Variants in CERKL observed in about 807,000 individuals in gnomAD.
The protein encoded by CERKL is ceramide kinase-like protein.
CERKL carries 61 observed loss-of-function variants against 63.4 expected under a neutral mutation model. The observed-to-expected ratio is 0.96, with a 90% CI of 0.78 to 1.19. The LOEUF (loss-of-function observed/expected upper bound fraction) is 1.19, where lower values mean the gene tolerates loss of function less well. Among genes scored for constraint, CERKL ranks in the 50% most tolerant of loss-of-function variants. The pLI is 0.00. For missense variants in CERKL, 675 were observed against 655.5 expected, an observed-to-expected ratio of 1.03 and a Z score of -0.33; for synonymous variants, 250 against 230.5, an observed-to-expected ratio of 1.08 and a Z score of -0.77.
At chr2:181,618,490 C>G (rs1341547602) in intron 1 of CERKL, among the ~76,000 whole-genome samples, 1 of 151,884 alleles carries the variant, frequency 6.6e-6, no homozygotes, top group Non-Finnish European at 1.5e-5. Flanking sequence ...AATCTCGGCT[C>G]ACGGCAACCT....
chr2:181,586,946 C>T (rs954919316), intron 2 of CERKL, among the ~76,000 whole-genome samples: 28 of 152,112 alleles, frequency 1.8e-4, no homozygotes, highest in Admixed American at 2.6e-4. Context: ...GAAAAGCAAC[C>T]AAGTTGTTGC....
intron 5 of CERKL, among the ~76,000 whole-genome samples, chr2:181,557,499 G>A (rs1559076390): frequency 6.6e-6 from 1 of 152,024 alleles, no homozygotes; most frequent in Non-Finnish European, 1.5e-5. Flanking sequence ...AAATAGGGAT[G>A]AGTGATTGTG....
chr2:181,572,566 A>C (rs1368496007), intron 3 of CERKL, among the ~76,000 whole-genome samples: 1 of 152,186 alleles, frequency 6.6e-6, no homozygotes, highest in Non-Finnish European at 1.5e-5. Flanking sequence ...CAATCTTTGG[A>C]AATCTTCAGT....
Position 181,547,711 on chromosome 2 carries a change from C to T in CERKL, c.1175G>A (p.Trp392Ter), listed in dbSNP as rs770381086. 6.2e-7 allele frequency: 1 copy of T among 1,613,968 alleles called. No homozygotes were observed. The highest frequency in any genetic ancestry group is 8.5e-7 in the Non-Finnish European group (1 of 1,179,884). The change falls in exon 10 of 13, where the codon TGG (tryptophan) becomes TAG (stop). Residue 392 changes from tryptophan (W) to a stop codon, truncating the protein, a stop_gained. Transcript: ENST00000410087. LOFTEE classifies it high-confidence loss of function. ...CAAGAACTGACCCTGGATCATTTGC[C>T]ATTGATCATTACAGTCTAAAGGTAA... ...GSPKSDCNDQ[W>*]QMIQGQFLNV...
chr2:181,550,324 A>T lies in CERKL; in HGVS notation c.821-616T>A, dbSNP rs1687930490. On this transcript the variant is annotated intron_variant, in intron 5 of 12. Coordinates refer to ENST00000410087, the MANE Select transcript of CERKL (RefSeq NM_201548.5). The surrounding 1 kb of genome is among the most constrained non-coding windows in gnomAD (Gnocchi z 4.5). ...GAAGATTTGTATTTGAAACATTATGATTTCTGATTTTCATGATTATTAGAA... is the reference window on the plus strand; with the variant it reads ...GAAGATTTGTATTTGAAACATTATGTTTTCTGATTTTCATGATTATTAGAA... Among the ~76,000 whole-genome samples, 1 of 152,106 alleles carries T rather than the reference A, an allele frequency of 6.6e-6. No individual in the cohort carries two copies. The highest frequency in any genetic ancestry group is 2.4e-5 in the African/African-American group (1 of 41,428).
rs142089023 is a variant in CERKL, at chr2:181,613,899, T to C, written c.239-9820A>G. 1.1e-3 allele frequency among the ~76,000 whole-genome samples: 168 copies of C among 152,344 alleles called. 1 individual carries two copies. Among genetic ancestry groups the C allele is most frequent in the Non-Finnish European group, 1.9e-3 (130 of 68,038 alleles). ...AACTAGTTCCTAACATATATGAACA[T>C]GTATATAATATTAGTTTTAAGGAAA... is the stretch of plus-strand genomic sequence containing the variant. On this transcript the variant is annotated intron_variant, in intron 1 of 12. Coordinates refer to ENST00000410087, the MANE Select transcript of CERKL (RefSeq NM_201548.5).
At chr2:181,609,504 T>C (rs1159698824) in intron 1 of CERKL, among the ~76,000 whole-genome samples, 1 of 122,080 alleles carries the variant, frequency 8.2e-6, no homozygotes. Flanking sequence ...GAGACCAGCC[T>C]GGCCACCATG....
At chr2:181,595,117 T>C (rs1685144927) in intron 2 of CERKL, among the ~76,000 whole-genome samples, 3 of 152,178 alleles carry the variant, frequency 2.0e-5, no homozygotes, top group African/African-American at 4.8e-5. Context: ...TTTTATCTAA[T>C]TCTGTAGATT....
intron 1 of CERKL, among the ~76,000 whole-genome samples, chr2:181,641,037 G>A (rs569405271): frequency 6.6e-6 from 1 of 152,170 alleles, no homozygotes; most frequent in Non-Finnish European, 1.5e-5. Flanking sequence ...AATAACATTA[G>A]TCTCCAGACG....
At chr2:181,568,937 A>G (rs894778853) in intron 3 of CERKL, among the ~76,000 whole-genome samples, 1 of 151,550 alleles carries the variant, frequency 6.6e-6, no homozygotes, top group Non-Finnish European at 1.5e-5. Context: ...TAATGCAAAT[A>G]TTCCAAAAGC....
intron 2 of CERKL, among the ~76,000 whole-genome samples, chr2:181,581,139 A>AT (rs1273014087): frequency 1.3e-5 from 2 of 151,964 alleles, no homozygotes; most frequent in Non-Finnish European, 2.9e-5. Flanking sequence ...TAGCATCTTC[A>AT]TTTTTTTCAT....
chr2:181,590,778 A>G (rs1050359424), intron 2 of CERKL, among the ~76,000 whole-genome samples: 1 of 152,174 alleles, frequency 6.6e-6, no homozygotes, highest in Non-Finnish European at 1.5e-5. Flanking sequence ...AAAACATACA[A>G]TCTGTTGGTG....
chr2:181,575,238 C>T (rs1313557500), intron 2 of CERKL, among the ~76,000 whole-genome samples: 3 of 152,192 alleles, frequency 2.0e-5, no homozygotes, highest in Non-Finnish European at 2.9e-5. Flanking sequence ...AGTTCAAAGG[C>T]GGCTATGGCT....
chr2:181,552,307 C>T (rs1237588183), intron 5 of CERKL, among the ~76,000 whole-genome samples: 1 of 152,114 alleles, frequency 6.6e-6, no homozygotes, highest in African/African-American at 2.4e-5. Context: ...CCCATAATCC[C>T]CACATGTCAA....
chr2:181,574,935 A>G (rs1689065206), intron 2 of CERKL, among the ~76,000 whole-genome samples: 1 of 152,204 alleles, frequency 6.6e-6, no homozygotes, highest in South Asian at 2.1e-4. Context: ...AGATAGGGTC[A>G]TGATAAACTC....
At chr2:181,570,864 G>T (rs1357102112) in intron 3 of CERKL, among the ~76,000 whole-genome samples, 1 of 151,930 alleles carries the variant, frequency 6.6e-6, no homozygotes, top group Admixed American at 6.6e-5. Context: ...ATCATATAGG[G>T]TTTATTTTGT....
intron 10 of CERKL, 78 bp from the exon 11 acceptor site, chr2:181,544,874 A>G: frequency 2.5e-6 from 2 of 789,138 alleles, no homozygotes; most frequent in Admixed American, 2.2e-5. Flanking sequence ...ACTGTTCCTT[A>G]TAACAAGTAT....
At chr2:181,651,962 C>G (rs1374555915) in intron 1 of CERKL, among the ~76,000 whole-genome samples, 2 of 151,958 alleles carry the variant, frequency 1.3e-5, no homozygotes, top group Non-Finnish European at 2.9e-5. Context: ...GAAAGAATCT[C>G]TACACTGAAA....
chr2:181,587,877 G>C (rs1455172551), intron 2 of CERKL, among the ~76,000 whole-genome samples: 1 of 151,654 alleles, frequency 6.6e-6, no homozygotes, highest in Admixed American at 6.6e-5. Context: ...TTATTTGCAG[G>C]GCCTCCAAAA....
Sources: allele counts gnomAD v4.1 joint callset (sites outside exome capture counted in the v4.1 genomes callset), GRCh38; gene constraint gnomAD v4.1.1; non-coding constraint Gnocchi (gnomAD v3.1); transcripts MANE v1.5; gene names NCBI Gene and HGNC (gene_info 2026-07-23, HGNC 2026-07-21).